ZNF709: variants seen among roughly 807,000 people sequenced by gnomAD.
ZNF709 encodes the protein zinc finger protein 709.
Under a neutral mutation model 10.6 loss-of-function variants are expected in ZNF709, and 15 were observed. The observed-to-expected ratio is 1.41, with a 90% CI of 0.95 to 2.18. ZNF709 has a LOEUF of 2.18. Ranked by LOEUF, ZNF709 falls within the 30% of genes most tolerant of loss-of-function variation. The pLI is 0.00. For synonymous variants in ZNF709, 194 were observed against 238.8 expected, an observed-to-expected ratio of 0.81 and a Z score of 1.73; for missense variants, 589 against 774.0, an observed-to-expected ratio of 0.76 and a Z score of 2.84.
chr19:12,462,672 A>G lies in ZNF709; in HGVS notation c.*1324T>C, dbSNP rs1047101137. ...CCTCTTTTGGTCAGAAAGATGAAAT[A>G]CATATAATGATATCTAGTACCTGCC... On this transcript the variant is annotated 3_prime_UTR_variant, in exon 4 of 4. Coordinates refer to ENST00000397732, the MANE Select transcript of ZNF709 (RefSeq NM_152601.4). 2.0e-5 allele frequency: 3 copies of G among 152,230 alleles called. No homozygotes were observed. Among genetic ancestry groups the G allele is most frequent in the Admixed American group, 2.0e-4 (3 of 15,276 alleles). The allele number at this position is 152,230 out of a possible 1,614,324, so 9.4% of individuals were successfully genotyped here. A position where few individuals can be genotyped will look rare whatever the true frequency, so the allele number is the denominator to read the frequency against.
intron 1 of ZNF709, among the ~76,000 whole-genome samples, chr19:12,481,359 G>A (rs191581462): frequency 1.4e-3 from 206 of 151,682 alleles, no homozygotes; most frequent in Non-Finnish European, 2.2e-3. Flanking sequence ...TCAGCCTCCC[G>A]AGTAGCTGGG....
At position 12,462,973 on chromosome 19, in the gene ZNF709, A is replaced by G. The variant is rs1454905353; in HGVS notation, c.*1023T>C. On this transcript the variant is annotated 3_prime_UTR_variant, in exon 4 of 4. Coordinates refer to ENST00000397732, the MANE Select transcript of ZNF709 (RefSeq NM_152601.4). The stretch of plus-strand genomic sequence containing the variant: ...TCTTTTGTGAAAGTAATAGAAATCC[A>G]TAATTCAGAGATCCATTTTAAGAAT... The G allele has an allele frequency of 1.3e-5, 2 of 152,258 alleles. No individual in the cohort carries two copies. Among genetic ancestry groups the G allele is most frequent in the East Asian group, 1.9e-4 (1 of 5,202 alleles). The allele number at this position is 152,258 out of a possible 1,614,324, so 9.4% of individuals were successfully genotyped here.
intron 1 of ZNF709, among the ~76,000 whole-genome samples, chr19:12,472,890 A>AG (rs1599634314): frequency 1.3e-5 from 2 of 152,272 alleles, no homozygotes; most frequent in East Asian, 3.9e-4. Context: ...CTCAAAAAAA[A>AG]AAAGGAAAAG....
intron 1 of ZNF709, among the ~76,000 whole-genome samples, chr19:12,482,402 C>T (rs1339360619): frequency 6.6e-6 from 1 of 150,926 alleles, no homozygotes; most frequent in Non-Finnish European, 1.5e-5. Flanking sequence ...AAGGAATGAA[C>T]TCAGCGAGCT....
intron 1 of ZNF709, among the ~76,000 whole-genome samples, chr19:12,470,183 A>G (rs183313094): frequency 6.6e-5 from 10 of 152,292 alleles, no homozygotes; most frequent in Admixed American, 2.6e-4. Flanking sequence ...AAGCATAGGA[A>G]TCCCTCAGTG....
chr19:12,472,509 G>A lies in ZNF709; in HGVS notation c.4-5659C>T, dbSNP rs533638972. On this transcript the variant is annotated intron_variant, in intron 1 of 3. Coordinates refer to ENST00000397732, the MANE Select transcript of ZNF709 (RefSeq NM_152601.4). ...TGCACTCCAGCCTCGGCGACAGAGC[G>A]AGACTCCATCTCAAAAAAAAAAAAA... Among the ~76,000 whole-genome samples, 271 of 116,400 alleles carry A rather than the reference G, an allele frequency of 2.3e-3. 3 individuals are homozygous for A. The highest frequency in any genetic ancestry group is 3.4e-3 in the Non-Finnish European group (209 of 60,862). 76.4% of individuals were successfully genotyped at this position (116,400 alleles called of 152,430 possible).
At chr19:12,481,068 G>A in intron 1 of ZNF709, 1 of 643,802 alleles carries the variant, frequency 1.6e-6, no homozygotes, top group Non-Finnish European at 1.9e-6. Context: ...ACAGGCATGA[G>A]CCACGATGCC....
intron 1 of ZNF709, among the ~76,000 whole-genome samples, chr19:12,467,456 A>AG (rs938249527): frequency 5.3e-5 from 8 of 152,192 alleles, no homozygotes; most frequent in African/African-American, 1.9e-4. Flanking sequence ...AATGGTGCCC[A>AG]GGCTGGAGTG....
In ZNF709 at chr19:12,463,954, A is replaced by T; in HGVS notation, c.*42T>A. The T allele has an allele frequency of 1.7e-5, 21 of 1,226,098 alleles. No individual in the cohort carries two copies. The highest frequency in any genetic ancestry group is 2.1e-5 in the Non-Finnish European group (19 of 920,582). 76.0% of individuals were successfully genotyped at this position (1,226,098 alleles called of 1,614,324 possible). On this transcript the variant is annotated 3_prime_UTR_variant, in exon 4 of 4. Coordinates refer to ENST00000397732, the MANE Select transcript of ZNF709 (RefSeq NM_152601.4). ...AAAAAAAAAAAAAAAAAAAGGAAATAGGACAACTGAAAACTTTGCCATATT... is the reference window on the plus strand; with the variant it reads ...AAAAAAAAAAAAAAAAAAAGGAAATTGGACAACTGAAAACTTTGCCATATT...
intron 1 of ZNF709, among the ~76,000 whole-genome samples, chr19:12,473,996 C>T (rs754067902): frequency 2.6e-5 from 4 of 152,178 alleles, no homozygotes; most frequent in Non-Finnish European, 5.9e-5. Context: ...CAGTGAGCCA[C>T]GATTGTGCCA....
intron 1 of ZNF709, among the ~76,000 whole-genome samples, chr19:12,475,640 T>C (rs963617834): frequency 3.3e-5 from 5 of 152,110 alleles, no homozygotes; most frequent in African/African-American, 1.2e-4. Context: ...CCTGGTAAGA[T>C]GAGGAAATGG....
At chr19:12,481,400 T>A (rs971548965) in intron 1 of ZNF709, among the ~76,000 whole-genome samples, 3 of 151,812 alleles carry the variant, frequency 2.0e-5, no homozygotes, top group African/African-American at 7.3e-5. Flanking sequence ...ATTACATGTC[T>A]GGTTAATTTT....
At chr19:12,472,882 CAA>C (rs752047494) in intron 1 of ZNF709, among the ~76,000 whole-genome samples, 3 of 134,242 alleles carry the variant, frequency 2.2e-5, no homozygotes, top group African/African-American at 2.8e-5. Flanking sequence ...GACTCTGTCT[CAA>C]AAAAAAAAAG....
In ZNF709 at chr19:12,462,700, A is replaced by C. The variant is rs1970527737; in HGVS notation, c.*1296T>G. The C allele has an allele frequency of 6.6e-6, 1 of 152,224 alleles. No individual in the cohort carries two copies. Among genetic ancestry groups the C allele is most frequent in the South Asian group, 2.1e-4 (1 of 4,832 alleles). The allele number at this position is 152,224 out of a possible 1,614,324, so 9.4% of individuals were successfully genotyped here. ...TATAATGATATCTAGTACCTGCCAC[A>C]TAAGGCCAGTAGGAAATCCTAAAAA... On this transcript the variant is annotated 3_prime_UTR_variant, in exon 4 of 4. Coordinates refer to ENST00000397732, the MANE Select transcript of ZNF709 (RefSeq NM_152601.4).
At position 12,484,756 on chromosome 19, in the gene ZNF709, C is replaced by G; in HGVS notation, c.-99G>C. 6.5e-7 allele frequency: 1 copy of G among 1,548,606 alleles called. No homozygotes were observed. Reference sequence around the variant, plus strand: ...GGCCCTTCCTCCACCTGAGGGCCTTCTGGGGTGAGGAGACCCCAGAGCGGA... The same window carrying G: ...GGCCCTTCCTCCACCTGAGGGCCTTGTGGGGTGAGGAGACCCCAGAGCGGA... On this transcript the variant is annotated 5_prime_UTR_variant, in exon 1 of 4. Coordinates refer to ENST00000397732, the MANE Select transcript of ZNF709 (RefSeq NM_152601.4).
At position 12,465,097 on chromosome 19, in the gene ZNF709, AGT is replaced by A. The variant is rs1222411189; in HGVS notation, c.823_824del (p.Thr275TrpfsTer8). The A allele has an allele frequency of 6.2e-7, 1 of 1,612,292 alleles. No individual in the cohort carries two copies. The highest frequency in any genetic ancestry group is 1.7e-5 in the Admixed American group (1 of 59,518). ...QTFQIHERTH[T>X]GEKPYQCKQC... is the part of the protein sequence containing the mutation. Reference sequence around the variant, plus strand: ...GCTTACACTGATAGGGTTTTTCCCCAGTGTGAGTCCTTTCATGTATTTGAAAA... The same window carrying A: ...GCTTACACTGATAGGGTTTTTCCCCAGTGAGTCCTTTCATGTATTTGAAAA... On this transcript the variant is annotated frameshift_variant, in exon 4 of 4. Coordinates refer to ENST00000397732, the MANE Select transcript of ZNF709 (RefSeq NM_152601.4). LOFTEE classifies it low-confidence loss of function (END_TRUNC).
Position 12,477,700 on chromosome 19 carries a change from G to A in ZNF709, c.3+6955C>T, listed in dbSNP as rs373321685. Among the ~76,000 whole-genome samples the A allele has an allele frequency of 2.4e-4, 37 of 152,200 alleles. 1 individual carries two copies. The South Asian group carries it at 7.7e-3, about 32-fold the overall frequency. On this transcript the variant is annotated intron_variant, in intron 1 of 3. Coordinates refer to ENST00000397732, the MANE Select transcript of ZNF709 (RefSeq NM_152601.4). ...TTAATACAGAACCTATGATATAGAG[G>A]CTCTTTTATCTTTTTTGCCGTCTAA...
chr19:12,467,477 A>G (rs570771739), intron 1 of ZNF709, among the ~76,000 whole-genome samples: 2 of 152,168 alleles, frequency 1.3e-5, no homozygotes, highest in East Asian at 3.9e-4. Flanking sequence ...CAGTGGCGTG[A>G]TCTCGGCTCG....
intron 1 of ZNF709, among the ~76,000 whole-genome samples, chr19:12,468,200 T>G (rs965389583): frequency 4.1e-4 from 63 of 152,278 alleles, no homozygotes; most frequent in African/African-American, 1.5e-3. Flanking sequence ...GTGTACCCAA[T>G]AGCTCATTGA....
Sources: allele counts gnomAD v4.1 joint callset (sites outside exome capture counted in the v4.1 genomes callset), GRCh38; gene constraint gnomAD v4.1.1; transcripts MANE v1.5; gene names NCBI Gene and HGNC (gene_info 2026-07-23, HGNC 2026-07-21).